The following RCAN2 variants were observed in gnomAD, a reference collection of about 807,000 sequenced individuals.
RCAN2 encodes calcipressin-2.
RCAN2 carries 9 observed loss-of-function variants against 23.6 expected under a neutral mutation model. The observed-to-expected ratio is 0.38, with a 90% CI of 0.23 to 0.67. The LOEUF is 0.67. RCAN2 is among the 30% of genes least tolerant of loss of function. The probability of loss-of-function intolerance (pLI) is 0.51; values close to 1 mark genes in which losing one functional copy is unlikely to be tolerated. For synonymous variants in RCAN2, 109 were observed against 115.7 expected, an observed-to-expected ratio of 0.94 and a Z score of 0.37; for missense variants, 273 against 302.3, an observed-to-expected ratio of 0.90 and a Z score of 0.72.
At chr6:46,308,679 G>A (rs919204193) in intron 2 of RCAN2, among the ~76,000 whole-genome samples, 1 of 152,160 alleles carries the variant, frequency 6.6e-6, no homozygotes, top group Admixed American at 6.5e-5. Context: ...ATTTAGTCAG[G>A]AGAAGAAGAC....
intron 2 of RCAN2, among the ~76,000 whole-genome samples, chr6:46,409,400 T>C (rs1766490197): frequency 6.6e-6 from 1 of 152,220 alleles, no homozygotes; most frequent in African/African-American, 2.4e-5. Flanking sequence ...ACTTAACCCA[T>C]TTTGGCAGCA....
At chr6:46,326,942 G>T (rs1763812196) in intron 2 of RCAN2, among the ~76,000 whole-genome samples, 1 of 152,224 alleles carries the variant, frequency 6.6e-6, no homozygotes, top group South Asian at 2.1e-4. Context: ...TATTTAGACT[G>T]ATGAAACTGT....
intron 2 of RCAN2, among the ~76,000 whole-genome samples, chr6:46,378,280 G>A (rs1765534747): frequency 1.3e-5 from 2 of 152,136 alleles, no homozygotes; most frequent in South Asian, 4.1e-4. Context: ...ATGAAAGACA[G>A]CTTAGAAAAC....
At chr6:46,393,170 T>A (rs1259721552) in intron 2 of RCAN2, among the ~76,000 whole-genome samples, 1 of 152,204 alleles carries the variant, frequency 6.6e-6, no homozygotes, top group African/African-American at 2.4e-5. Flanking sequence ...CCACTTGACC[T>A]TTAAGGGCTC....
chr6:46,385,673 AT>A (rs1226339377), intron 2 of RCAN2, among the ~76,000 whole-genome samples: 1 of 152,032 alleles, frequency 6.6e-6, no homozygotes, highest in Non-Finnish European at 1.5e-5. Flanking sequence ...CCTGGCCAAC[AT>A]GGTGAAACCC....
At chr6:46,480,728 C>T (rs1768837339) in intron 1 of RCAN2, among the ~76,000 whole-genome samples, 1 of 152,052 alleles carries the variant, frequency 6.6e-6, no homozygotes, top group Non-Finnish European at 1.5e-5. Flanking sequence ...TGGGTTCACG[C>T]CATTCTCTTG....
chr6:46,267,183 G>T (rs1767362753), intron 2 of RCAN2, among the ~76,000 whole-genome samples: 1 of 152,142 alleles, frequency 6.6e-6, no homozygotes, highest in Non-Finnish European at 1.5e-5. Context: ...TCATATATTT[G>T]CCAAGCTCTA....
At chr6:46,453,977 T>C (rs900275013) in intron 2 of RCAN2, among the ~76,000 whole-genome samples, 1 of 152,244 alleles carries the variant, frequency 6.6e-6, no homozygotes, top group African/African-American at 2.4e-5. Context: ...CCCCCTGCTA[T>C]AATTCCAGGC....
At chr6:46,394,050 C>T (rs1315641023) in intron 2 of RCAN2, among the ~76,000 whole-genome samples, 3 of 152,210 alleles carry the variant, frequency 2.0e-5, no homozygotes, top group South Asian at 2.1e-4. Context: ...GAAAGATGAC[C>T]GATGTTTGAA....
At chr6:46,454,159 T>C (rs1767958161) in intron 2 of RCAN2, among the ~76,000 whole-genome samples, 1 of 152,190 alleles carries the variant, frequency 6.6e-6, no homozygotes, top group Admixed American at 6.5e-5. Flanking sequence ...TTGTGGAAAA[T>C]ACCCATCATC....
intron 2 of RCAN2, among the ~76,000 whole-genome samples, chr6:46,429,946 A>C (rs1292868960): frequency 6.6e-6 from 1 of 152,200 alleles, no homozygotes; most frequent in Non-Finnish European, 1.5e-5. Context: ...GAAGGAGAGA[A>C]AGTTAGCATG....
At chr6:46,449,666 C>G (rs1186940517) in intron 2 of RCAN2, among the ~76,000 whole-genome samples, 1 of 151,756 alleles carries the variant, frequency 6.6e-6, no homozygotes, top group Non-Finnish European at 1.5e-5. Context: ...AGAAATAAAT[C>G]CATGGATTTA....
intron 2 of RCAN2, among the ~76,000 whole-genome samples, chr6:46,449,760 C>T (rs903147630): frequency 6.6e-6 from 1 of 151,876 alleles, no homozygotes; most frequent in East Asian, 1.9e-4. Flanking sequence ...GTTGGAACAA[C>T]TGGATATCCA....
At chr6:46,266,466 C>T (rs533290249) in intron 2 of RCAN2, among the ~76,000 whole-genome samples, 1 of 152,246 alleles carries the variant, frequency 6.6e-6, no homozygotes, top group African/African-American at 2.4e-5. Context: ...TTCTCATGAA[C>T]AAGTGAAGAA....
chr6:46,233,186 C>T (rs1236329663), intron 4 of RCAN2, among the ~76,000 whole-genome samples: 1 of 152,178 alleles, frequency 6.6e-6, no homozygotes, highest in Non-Finnish European at 1.5e-5. Flanking sequence ...GAGAGAACAT[C>T]AAGTCACTCA....
intron 2 of RCAN2, among the ~76,000 whole-genome samples, chr6:46,433,664 G>A (rs1366785749): frequency 6.6e-6 from 1 of 152,074 alleles, no homozygotes; most frequent in African/African-American, 2.4e-5. Flanking sequence ...ACAAGGAAAT[G>A]GATTCTTCTC....
At chr6:46,427,552 T>C (rs1767065000) in intron 2 of RCAN2, among the ~76,000 whole-genome samples, 1 of 152,214 alleles carries the variant, frequency 6.6e-6, no homozygotes, top group African/African-American at 2.4e-5. Flanking sequence ...CTCAAGGGCT[T>C]GGGGCATAAC....
intron 2 of RCAN2, among the ~76,000 whole-genome samples, chr6:46,448,872 A>T (rs1468371875): frequency 6.6e-6 from 1 of 151,894 alleles, no homozygotes; most frequent in Non-Finnish European, 1.5e-5. Flanking sequence ...AGCTGACAGC[A>T]TACTTAACAT....
At chr6:46,245,645 A>G (rs1766487574) in intron 4 of RCAN2, among the ~76,000 whole-genome samples, 1 of 152,206 alleles carries the variant, frequency 6.6e-6, no homozygotes, top group South Asian at 2.1e-4. Context: ...TTATAAGTTG[A>G]CTATTCTTGG....
Sources: allele counts gnomAD v4.1 joint callset (sites outside exome capture counted in the v4.1 genomes callset), GRCh38; gene constraint gnomAD v4.1.1; transcripts MANE v1.5; gene names NCBI Gene and HGNC (gene_info 2026-07-23, HGNC 2026-07-21).